Variants in DNAH1 observed in about 807,000 individuals in gnomAD.
The protein encoded by DNAH1 is axonemal beta dynein heavy chain 1.
A neutral mutation model predicts 484.3 loss-of-function variants in DNAH1; 327 were observed. The ratio of observed to expected loss-of-function variants is 0.68; its 90% CI spans 0.62 to 0.74. DNAH1 has a LOEUF of 0.74. Among genes scored for constraint, DNAH1 ranks in the 30% least tolerant of loss-of-function variants. The pLI is 0.00. For synonymous variants in DNAH1, 2,192 were observed against 2,191.9 expected (o/e 1.00, Z 0.00); for missense variants, 5,052 against 5,546.8 (o/e 0.91, Z 2.83).
In DNAH1 at chr3:52,355,019, C is replaced by T; in HGVS notation, c.3657C>T (p.Arg1219=). Residue 1219 remains arginine, a synonymous_variant, in exon 21 of 78, where the codon CGC becomes CGT. Transcript: ENST00000420323. The surrounding 1 kb of genome is among the most constrained non-coding windows in gnomAD (Gnocchi z 4.5). ...FSPYKKPFEQ[R]INSWENKLKL... ...CCTACAAGAAGCCCTTTGAGCAGCG[C>T]ATCAACTCCTGGGAGAACAAACTGA... 6.2e-7 allele frequency: 1 copy of T among 1,613,922 alleles called. No individual in the cohort carries two copies. The highest frequency in any genetic ancestry group is 2.2e-5 in the East Asian group (1 of 44,890).
chr3:52,363,224 A>G, intron 32 of DNAH1, 80 bp downstream of exon 32: 1 of 1,567,686 alleles, frequency 6.4e-7, no homozygotes, highest in Non-Finnish European at 8.7e-7. Context: ...GCTGAGGGCC[A>G]GGCTCTATGC....
At chr3:52,326,400 A>G in intron 4 of DNAH1, 86 bp downstream of exon 4, 1 of 1,452,470 alleles carries the variant, frequency 6.9e-7, no homozygotes, top group Non-Finnish European at 9.3e-7. Context: ...TCACCAGGTG[A>G]TAATCCTCAT....
Position 52,356,753 on chromosome 3 carries a change from TGAAGAATGCCTAC to T in DNAH1, c.3836_3848del (p.Lys1279ArgfsTer5). The T allele has an allele frequency of 6.2e-7, 1 of 1,612,514 alleles. No homozygotes were observed. ...ATGGAGCGGATCTGGAAGAAGATCA[TGAAGAATGCCTAC>T]GAGAACCGGGAGGCAAGCTCAATGA... On this transcript the variant is annotated frameshift_variant, in exon 22 of 78. Coordinates refer to ENST00000420323, the MANE Select transcript of DNAH1 (RefSeq NM_015512.5). LOFTEE classifies it high-confidence loss of function.
At chr3:52,323,337 AG>A (rs923058700) in intron 2 of DNAH1, among the ~76,000 whole-genome samples, 11 of 151,132 alleles carry the variant, frequency 7.3e-5, no homozygotes, top group African/African-American at 2.7e-4. Flanking sequence ...GGGAAAAGAG[AG>A]GGGGGAATGA....
chr3:52,370,332 G>A, intron 39 of DNAH1, 103 bp downstream of exon 39: 5 of 1,542,580 alleles, frequency 3.2e-6, no homozygotes, highest in Non-Finnish European at 4.4e-6. Flanking sequence ...GTGCAACATG[G>A]TGCAACATGG....
Position 52,347,923 on chromosome 3 carries a change from C to T in DNAH1, c.2055C>T (p.Asn685=). The change falls in exon 12 of 78, where the codon AAC becomes AAT. Residue 685 remains asparagine (N), a synonymous_variant. Transcript: ENST00000420323. ...AGCAGTTTGAGGCATCTCTGCTGAACCTCTTCGACAAGGGCATCCTGGCCA... is the reference window on the plus strand; with the variant it reads ...AGCAGTTTGAGGCATCTCTGCTGAATCTCTTCGACAAGGGCATCCTGGCCA... The part of the protein sequence containing the change: ...PLEQFEASLL[N]LFDKGILATH... 1 of 1,610,814 alleles carries T rather than the reference C, an allele frequency of 6.2e-7. No homozygotes were observed. Among genetic ancestry groups the T allele is most frequent in the Non-Finnish European group, 8.5e-7 (1 of 1,178,556 alleles).
chr3:52,394,561 C>G lies in DNAH1; in HGVS notation c.10723C>G (p.Leu3575Val), dbSNP rs1269951288. Residue 3575 changes from leucine (L) to valine (V), a missense_variant, in exon 67 of 78, where the codon CTA becomes GTA. Coordinates refer to ENST00000420323, the MANE Select transcript of DNAH1 (RefSeq NM_015512.5). ...WLSDRAWRDI[L>V]ALSNLPTFSS... ...GTCAGACCGGGCTTGGCGAGACATC[C>G]TAGCACTCTCGAACCTGCCAACCTT... is the stretch of plus-strand genomic sequence containing the variant. 3.1e-6 allele frequency: 5 copies of G among 1,613,550 alleles called. No individual in the cohort carries two copies. The African/African-American group carries it at 5.3e-5, about 17-fold the overall frequency.
rs929882786 is a variant in DNAH1 at position 52,362,272 on chromosome 3, T to G, written c.4981-116T>G. On this transcript the variant is annotated intron_variant, in intron 30 of 77. Transcript: ENST00000420323. This position sits in a 1 kb window ranked among gnomAD's most constrained non-coding sequence, Gnocchi z 5.1. ...CAACCCATGATCAGGGGTCCAGGCC[T>G]GGCCTACCAGCTACAGCCAGGACAG... 1.2e-6 allele frequency: 1 copy of G among 832,814 alleles called. No homozygotes were observed. Among genetic ancestry groups the G allele is most frequent in the African/African-American group, 1.7e-5 (1 of 59,458 alleles). The allele number at this position is 832,814 out of a possible 1,614,324, so 51.6% of individuals were successfully genotyped here. A position where few individuals can be genotyped will look rare whatever the true frequency, so the allele number is the denominator to read the frequency against.
At chr3:52,347,393 T>C (rs998060918) in intron 11 of DNAH1, among the ~76,000 whole-genome samples, 4 of 152,160 alleles carry the variant, frequency 2.6e-5, no homozygotes, top group African/African-American at 9.7e-5. Context: ...GCCAGATCTC[T>C]TGGGGCCTCC....
In DNAH1 at chr3:52,331,275, G is replaced by T. The variant is rs754698653; in HGVS notation, c.999G>T (p.Gly333=). The T allele has an allele frequency of 6.2e-7, 1 of 1,610,636 alleles. No individual in the cohort carries two copies. Reference sequence around the variant, plus strand: ...AAGGCCTGGTGCGAGATGAGATGGGGAGGCCCATCCTGAATGCAGGGGTCA... The same window carrying T: ...AAGGCCTGGTGCGAGATGAGATGGGTAGGCCCATCCTGAATGCAGGGGTCA... ...DEKGLVRDEM[G]RPILNAGVTT... The change falls in exon 7 of 78, where the codon GGG becomes GGT. Residue 333 remains glycine (G), a synonymous_variant. Coordinates refer to ENST00000420323, the MANE Select transcript of DNAH1 (RefSeq NM_015512.5).
chr3:52,379,445 C>T lies in DNAH1; in HGVS notation c.7378-460C>T, dbSNP rs1703742815. 6.6e-6 allele frequency among the ~76,000 whole-genome samples: 1 copy of T among 151,994 alleles called. No individual in the cohort carries two copies. The highest frequency in any genetic ancestry group is 2.1e-4 in the South Asian group (1 of 4,818). On this transcript the variant is annotated intron_variant, in intron 47 of 77. Transcript: ENST00000420323. This position sits in a 1 kb window ranked among gnomAD's most constrained non-coding sequence, Gnocchi z 4.4. ...AGATGCAGGGAAGCTGGGACAGAGG[C>T]GGCAGCTGAGATGGAGAGAGGGGGC...
Position 52,372,961 on chromosome 3 carries a change from T to C in DNAH1, c.6893T>C (p.Met2298Thr). The C allele has an allele frequency of 6.2e-7, 1 of 1,613,834 alleles. No homozygotes were observed. Reference protein sequence around the residue: ...NFIFFIDDLNMPALETYGAQP... With the variant: ...NFIFFIDDLNTPALETYGAQP... ...ATCTTCTTCATCGATGACCTGAACATGCCGGCCCTGGAGACCTACGGTGCA... is the reference window on the plus strand; with the variant it reads ...ATCTTCTTCATCGATGACCTGAACACGCCGGCCCTGGAGACCTACGGTGCA... The change falls in exon 44 of 78, where the codon ATG becomes ACG. Residue 2298 changes from methionine to threonine, a missense_variant. Coordinates refer to ENST00000420323, the MANE Select transcript of DNAH1 (RefSeq NM_015512.5).
Position 52,372,344 on chromosome 3 carries a change from G to T in DNAH1, c.6784G>T (p.Ala2262Ser). The T allele has an allele frequency of 6.2e-7, 1 of 1,613,992 alleles. No individual in the cohort carries two copies. The highest frequency in any genetic ancestry group is 2.2e-5 in the East Asian group (1 of 44,874). The part of the protein sequence containing the change: ...HFLTFSARTS[A>S]NQTQDFIDSK... Reference sequence around the variant, plus strand: ...CCTCACCTTCTCAGCCCGCACTTCAGCCAACCAGACCCAGGACTTCATTGA... The same window carrying T: ...CCTCACCTTCTCAGCCCGCACTTCATCCAACCAGACCCAGGACTTCATTGA... Residue 2262 changes from alanine to serine, a missense_variant, in exon 43 of 78, where the codon GCC becomes TCC. Ala to Ser is a moderately conservative substitution (Grantham distance 99). Transcript: ENST00000420323.
At position 52,350,575 on chromosome 3, in the gene DNAH1, A is replaced by G. The variant is rs751972610; in HGVS notation, c.2714A>G (p.Asp905Gly). 11 of 1,613,658 alleles carry G rather than the reference A, an allele frequency of 6.8e-6. No homozygotes were observed. The highest frequency in any genetic ancestry group is 1.3e-5 in the African/African-American group (1 of 74,928). Residue 905 changes from aspartate (D) to glycine (G), a missense_variant, in exon 16 of 78, where the codon GAT becomes GGT. Asp to Gly is a moderately conservative substitution (Grantham distance 94). This residue lies in a region of DNAH1 where 1,263 missense variants were observed against 1,218.8 expected (regional missense o/e 1.04). Transcript: ENST00000420323. ...MDEFLYNLSS[D>G]DFNDKWIASN... Reference sequence around the variant, plus strand: ...GAATTCCTCTACAACCTCAGCTCAGATGACTTCAATGACAAGTGAGTGGGA... The same window carrying G: ...GAATTCCTCTACAACCTCAGCTCAGGTGACTTCAATGACAAGTGAGTGGGA...
In DNAH1 at chr3:52,363,764, C is replaced by T. The variant is rs372330006; in HGVS notation, c.5244+620C>T. Among the ~76,000 whole-genome samples the T allele has an allele frequency of 2.6e-5, 4 of 152,232 alleles. No homozygotes were observed. The East Asian group carries it at 7.7e-4, about 29-fold the overall frequency. On this transcript the variant is annotated intron_variant, in intron 32 of 77. Coordinates refer to ENST00000420323, the MANE Select transcript of DNAH1 (RefSeq NM_015512.5). ...CCCTGTTGTCACCCTAATGGGCCTTCTCTGGGTCACCTGCTCATCCATGAA... is the reference window on the plus strand; with the variant it reads ...CCCTGTTGTCACCCTAATGGGCCTTTTCTGGGTCACCTGCTCATCCATGAA...
rs764254087 is a variant in DNAH1, at chr3:52,392,458, C to T, written c.10053-6C>T. 11 of 1,612,984 alleles carry T rather than the reference C, an allele frequency of 6.8e-6. No individual in the cohort carries two copies. Among genetic ancestry groups the T allele is most frequent in the South Asian group, 4.4e-5 (4 of 91,020 alleles). On this transcript the variant is annotated splice_polypyrimidine_tract_variant and splice_region_variant and intron_variant, in intron 63 of 77. Coordinates refer to ENST00000420323, the MANE Select transcript of DNAH1 (RefSeq NM_015512.5). ...TTACAGACTTGGTGTCCCCTGCCCCCGGCAGTGGCCTAGAGGACCAGCTAC... is the reference window on the plus strand; with the variant it reads ...TTACAGACTTGGTGTCCCCTGCCCCTGGCAGTGGCCTAGAGGACCAGCTAC...
chr3:52,361,412 A>G lies in DNAH1; in HGVS notation c.4874+60A>G. Reference sequence around the variant, plus strand: ...TGGGACAGCCTAGCTCTCCTTGGGGAGGGCTAGGTGAGGGCAGTGCCTGAG... The same window carrying G: ...TGGGACAGCCTAGCTCTCCTTGGGGGGGGCTAGGTGAGGGCAGTGCCTGAG... On this transcript the variant is annotated intron_variant, in intron 29 of 77. Coordinates refer to ENST00000420323, the MANE Select transcript of DNAH1 (RefSeq NM_015512.5). This position sits in a 1 kb window ranked among gnomAD's most constrained non-coding sequence, Gnocchi z 5.6. The G allele has an allele frequency of 6.8e-7, 1 of 1,475,872 alleles. No homozygotes were observed. The highest frequency in any genetic ancestry group is 9.0e-7 in the Non-Finnish European group (1 of 1,106,272). 91.4% of individuals were successfully genotyped at this position (1,475,872 alleles called of 1,614,324 possible).
In DNAH1 at chr3:52,379,985, C is replaced by T; in HGVS notation, c.7458C>T (p.Arg2486=). The change falls in exon 48 of 78, where the codon CGC becomes CGT. Residue 2486 remains arginine, a synonymous_variant. Coordinates refer to ENST00000420323, the MANE Select transcript of DNAH1 (RefSeq NM_015512.5). This position sits in a 1 kb window ranked among gnomAD's most constrained non-coding sequence, Gnocchi z 4.4. ...FRDRLVNEED[R]SWFDQLLKRC... ...ACCGACTGGTGAATGAGGAGGACCG[C>T]AGCTGGTTCGACCAGCTCCTCAAGC... 1 of 1,588,330 alleles carries T rather than the reference C, an allele frequency of 6.3e-7. No individual in the cohort carries two copies. The highest frequency in any genetic ancestry group is 8.6e-7 in the Non-Finnish European group (1 of 1,167,636).
rs1703246437 is a variant in DNAH1, at chr3:52,369,817, G to A, written c.5944-8G>A. 1 of 1,599,094 alleles carries A rather than the reference G, an allele frequency of 6.3e-7. No homozygotes were observed. The highest frequency in any genetic ancestry group is 1.7e-5 in the Admixed American group (1 of 59,524). ...CCAGCCCACTCATTTGGTTCGTCTT[G>A]GCACCAGGCAATGACCATGATGTTC... On this transcript the variant is annotated splice_polypyrimidine_tract_variant and splice_region_variant and intron_variant, in intron 37 of 77. Transcript: ENST00000420323.
Sources: gnomAD v4.1 joint callset for allele counts (sites outside exome capture counted in the v4.1 genomes callset) on GRCh38, gnomAD v4.1.1 for gene constraint, gnomAD v4.1.1 regional missense constraint, Gnocchi (gnomAD v3.1) non-coding constraint, MANE v1.5 for transcripts, NCBI Gene and HGNC (gene_info 2026-07-23, HGNC 2026-07-21) for gene names.